SOCS7: variants seen among roughly 807,000 people sequenced by gnomAD.
The protein encoded by SOCS7 is NAP-4.
A neutral mutation model predicts 58.9 loss-of-function variants in SOCS7; 18 were observed. The ratio of observed to expected loss-of-function variants is 0.31; its 90% CI spans 0.21 to 0.45. SOCS7 has a LOEUF of 0.45. Ranked by LOEUF, SOCS7 falls within the 20% of genes least tolerant of loss-of-function variation. SOCS7 has a pLI of 1.00. For missense variants in SOCS7, 667 were observed against 837.3 expected, an observed-to-expected ratio of 0.80 and a Z score of 2.51; for synonymous variants, 388 against 364.3, an observed-to-expected ratio of 1.06 and a Z score of -0.74.
At chr17:38,377,172 A>G (rs930187235) in intron 6 of SOCS7, among the ~76,000 whole-genome samples, 1 of 152,250 alleles carries the variant, frequency 6.6e-6, no homozygotes, top group Non-Finnish European at 1.5e-5. Context: ...ATCTATATAG[A>G]GAGAGGAAGC....
intron 1 of SOCS7, among the ~76,000 whole-genome samples, chr17:38,355,485 T>G (rs1468270007): frequency 6.6e-6 from 1 of 152,208 alleles, no homozygotes; most frequent in Non-Finnish European, 1.5e-5. Context: ...AGGGTAGTTG[T>G]GATTTCTGTG....
chr17:38,391,424 C>T (rs944215591), intron 7 of SOCS7, among the ~76,000 whole-genome samples: 5 of 152,034 alleles, frequency 3.3e-5, no homozygotes, highest in African/African-American at 1.2e-4. Flanking sequence ...AGGGTCTTAC[C>T]CTATCACTCA....
At position 38,366,291 on chromosome 17, in the gene SOCS7, A is replaced by G; in HGVS notation, c.1257A>G (p.Ala419=). 1.9e-6 allele frequency: 3 copies of G among 1,613,956 alleles called. No homozygotes were observed. The highest frequency in any genetic ancestry group is 2.5e-6 in the Non-Finnish European group (3 of 1,179,952). Residue 419 remains alanine, a synonymous_variant, in exon 5 of 10, where the codon GCA becomes GCG. Coordinates refer to ENST00000612932, the MANE Select transcript of SOCS7 (RefSeq NM_014598.4). ...CACCACTGTCTTGCCCTGCAGATGCATTTCCCCGGATTGCTCCCATCCGAG... is the reference window on the plus strand; with the variant it reads ...CACCACTGTCTTGCCCTGCAGATGCGTTTCCCCGGATTGCTCCCATCCGAG... ...PPPPPPHAPD[A]FPRIAPIRAA...
intron 1 of SOCS7, among the ~76,000 whole-genome samples, chr17:38,356,516 C>T (rs1555566821): frequency 6.6e-6 from 1 of 151,926 alleles, no homozygotes; most frequent in African/African-American, 2.4e-5. Context: ...AGGTACACGC[C>T]ACCACGCCTG....
intron 6 of SOCS7, among the ~76,000 whole-genome samples, chr17:38,374,982 GT>G (rs2037913256): frequency 6.6e-6 from 1 of 152,226 alleles, no homozygotes. Context: ...GCAAACCTGA[GT>G]GTGGAGGCTC....
chr17:38,373,011 C>G (rs2037887399), intron 6 of SOCS7, among the ~76,000 whole-genome samples: 1 of 151,758 alleles, frequency 6.6e-6, no homozygotes, highest in African/African-American at 2.4e-5. Flanking sequence ...GAGGCTGAGG[C>G]AGGAGAATCG....
At chr17:38,359,634 A>G (rs2037688249) in intron 1 of SOCS7, among the ~76,000 whole-genome samples, 1 of 152,030 alleles carries the variant, frequency 6.6e-6, no homozygotes, top group African/African-American at 2.4e-5. Context: ...TTTAAGTTCT[A>G]TTTAGACCTT....
chr17:38,391,994 C>G (rs1266521927), intron 7 of SOCS7, among the ~76,000 whole-genome samples: 1 of 152,124 alleles, frequency 6.6e-6, no homozygotes, highest in African/African-American at 2.4e-5. Context: ...TAGGTTTGTG[C>G]CCAGGACCTC....
intron 7 of SOCS7, among the ~76,000 whole-genome samples, chr17:38,386,305 A>G (rs1426813898): frequency 7.1e-6 from 1 of 141,544 alleles, no homozygotes; most frequent in East Asian, 2.1e-4. Context: ...GCCTGGGCAA[A>G]AGAGGGAGGC....
intron 6 of SOCS7, among the ~76,000 whole-genome samples, chr17:38,374,080 G>GC (rs35786947): frequency 0.28 from 42,238 of 151,954 alleles, 7,009 homozygotes; most frequent in African/African-American, 0.46. Context: ...AATTAGCCAG[G>GC]CTGGTGGCAC....
intron 9 of SOCS7, among the ~76,000 whole-genome samples, chr17:38,398,303 C>T (rs1424944240): frequency 7.0e-6 from 1 of 142,634 alleles, no homozygotes; most frequent in Non-Finnish European, 1.5e-5. Context: ...AGTGCAATGG[C>T]GTGATCTTGG....
chr17:38,359,745 A>ATG (rs199675224), intron 1 of SOCS7, among the ~76,000 whole-genome samples: 21 of 149,954 alleles, frequency 1.4e-4, no homozygotes, highest in African/African-American at 5.1e-4. Flanking sequence ...ACTGTTATAT[A>ATG]TATATATATA....
rs962659918 is a variant in SOCS7, at chr17:38,352,028, C to A, written c.-25C>A. On this transcript the variant is annotated 5_prime_UTR_variant, in exon 1 of 10. Transcript: ENST00000612932. This position sits in a 1 kb window ranked among gnomAD's most constrained non-coding sequence, Gnocchi z 5.5. The stretch of plus-strand genomic sequence containing the variant: ...TCCCCACCCCAGCCCGGCTCCCAGC[C>A]GCCCGCCCTCCCTCCCTCTCCCCGA... 3.3e-5 allele frequency among the ~76,000 whole-genome samples: 5 copies of A among 151,242 alleles called. No individual in the cohort carries two copies. The highest frequency in any genetic ancestry group is 5.9e-5 in the Non-Finnish European group (4 of 67,622).
At chr17:38,393,228 G>A (rs1237853153) in intron 7 of SOCS7, among the ~76,000 whole-genome samples, 98 of 151,732 alleles carry the variant, frequency 6.5e-4, no homozygotes, top group Non-Finnish European at 7.4e-5. Flanking sequence ...ATAAAATAAT[G>A]TATTTTGATT....
intron 4 of SOCS7, chr17:38,365,761 T>C (rs1555568228): frequency 2.3e-5 from 5 of 216,122 alleles, no homozygotes. Context: ...CAGCATTCTA[T>C]GGTTTTTCTA....
intron 7 of SOCS7, among the ~76,000 whole-genome samples, chr17:38,378,947 C>CA (rs1384508695): frequency 6.6e-6 from 1 of 151,964 alleles, no homozygotes; most frequent in African/African-American, 2.4e-5. Context: ...TGCTCAAGTC[C>CA]AGGAGTTCAA....
intron 6 of SOCS7, among the ~76,000 whole-genome samples, chr17:38,377,513 A>G (rs1218340555): frequency 6.6e-6 from 1 of 152,192 alleles, no homozygotes; most frequent in African/African-American, 2.4e-5. Context: ...TGTAAGACCT[A>G]ATTTATGTCT....
rs1314198322 is a variant in SOCS7, at chr17:38,402,175, TTCTC to T, written c.*2695_*2698del. 3 of 152,576 alleles carry T rather than the reference TTCTC, an allele frequency of 2.0e-5. No homozygotes were observed. The highest frequency in any genetic ancestry group is 4.4e-5 in the Non-Finnish European group (3 of 68,312). 9.5% of individuals were successfully genotyped at this position (152,576 alleles called of 1,614,324 possible). On this transcript the variant is annotated 3_prime_UTR_variant, in exon 10 of 10. Transcript: ENST00000612932. ...CCAGCCCTGGCCGCAGCCTAGTCCT[TTCTC>T]TGTGGAGTGGGCTGCAAAACAGCAG...
rs2038379915 is a variant in SOCS7, at chr17:38,405,489, C to G, written c.*6007C>G. On this transcript the variant is annotated 3_prime_UTR_variant, in exon 10 of 10. Transcript: ENST00000612932. ...TTTTTGTAAGTGTCAGTGCGAGAGA[C>G]ATTTGACTCTTGTGTTTGTATCTCC... The G allele has an allele frequency of 6.6e-6, 1 of 152,166 alleles. No homozygotes were observed. Among genetic ancestry groups the G allele is most frequent in the Non-Finnish European group, 1.5e-5 (1 of 68,038 alleles). 9.4% of individuals were successfully genotyped at this position (152,166 alleles called of 1,614,324 possible). A position where few individuals can be genotyped will look rare whatever the true frequency, so the allele number is the denominator to read the frequency against.
Sources: gnomAD v4.1 joint callset for allele counts (sites outside exome capture counted in the v4.1 genomes callset) on GRCh38, gnomAD v4.1.1 for gene constraint, Gnocchi (gnomAD v3.1) non-coding constraint, MANE v1.5 for transcripts, NCBI Gene and HGNC (gene_info 2026-07-23, HGNC 2026-07-21) for gene names.